Variants in ADARB1 observed in about 807,000 individuals in gnomAD.
ADARB1 encodes the protein double-stranded RNA-specific editase 1.
A neutral mutation model predicts 52.4 loss-of-function variants in ADARB1; 10 were observed. That is an observed-to-expected ratio of 0.19 (90% confidence interval 0.12 to 0.32). The LOEUF (loss-of-function observed/expected upper bound fraction) is 0.32. Among genes scored for constraint, ADARB1 ranks in the 10% least tolerant of loss-of-function variants. The pLI, the probability that ADARB1 is intolerant of heterozygous loss-of-function variation, is 1.00. For synonymous variants in ADARB1, 349 were observed against 371.1 expected (o/e 0.94, Z 0.68); for missense variants, 643 against 922.3 (o/e 0.70, Z 3.92).
At chr21:45,095,536 G>A (rs1046621981) in intron 1 of ADARB1, among the ~76,000 whole-genome samples, 2 of 152,094 alleles carry the variant, frequency 1.3e-5, no homozygotes, top group African/African-American at 2.4e-5. Context: ...TCTCCATCCC[G>A]CTGTTTCAGG....
intron 1 of ADARB1, among the ~76,000 whole-genome samples, chr21:45,089,928 A>G (rs2086496587): frequency 6.6e-6 from 1 of 152,224 alleles, no homozygotes; most frequent in South Asian, 2.1e-4. Context: ...TTAATTGGCT[A>G]GGACTTCTGG....
Position 45,175,890 on chromosome 21 carries a change from C to T in ADARB1, c.189C>T (p.Ser63=). The T allele has an allele frequency of 2.5e-6, 4 of 1,611,446 alleles. No homozygotes were observed. Among genetic ancestry groups the T allele is most frequent in the Non-Finnish European group, 3.4e-6 (4 of 1,178,844 alleles). The change falls in exon 4 of 11, where the codon TCC becomes TCT. Residue 63 remains serine, a synonymous_variant. Transcript: ENST00000348831. Reference sequence around the variant, plus strand: ...TGGAGGAGGGCAGCAATGGCCACTCCAAGTACCGCCTGAAGAAAAGGAGGA... The same window carrying T: ...TGGAGGAGGGCAGCAATGGCCACTCTAAGTACCGCCTGAAGAAAAGGAGGA... ...RPLEEGSNGH[S]KYRLKKRRKT...
chr21:45,189,559 G>A (rs1330726836), intron 8 of ADARB1, among the ~76,000 whole-genome samples: 1 of 152,058 alleles, frequency 6.6e-6, no homozygotes, highest in Non-Finnish European at 1.5e-5. Context: ...ACAGCTTAAT[G>A]TTGCTATTTA....
chr21:45,159,096 G>T (rs965775942), intron 2 of ADARB1, among the ~76,000 whole-genome samples: 1 of 152,186 alleles, frequency 6.6e-6, no homozygotes, highest in African/African-American at 2.4e-5. Context: ...ATCTGCATTA[G>T]TCTGTTTTCA....
chr21:45,198,491 A>G (rs1268350857), intron 8 of ADARB1, among the ~76,000 whole-genome samples: 1 of 6,232 alleles, frequency 1.6e-4, no homozygotes, highest in Non-Finnish European at 5.8e-4. Context: ...TGCCTATTAA[A>G]TTAAATCACA....
chr21:45,219,308 G>A (rs1406415900), intron 9 of ADARB1, among the ~76,000 whole-genome samples: 1 of 152,142 alleles, frequency 6.6e-6, no homozygotes, highest in African/African-American at 2.4e-5. Context: ...GGAAGATCAT[G>A]AAGTCAGGAG....
intron 9 of ADARB1, among the ~76,000 whole-genome samples, chr21:45,215,337 C>A (rs1261699857): frequency 2.6e-5 from 4 of 152,188 alleles, no homozygotes; most frequent in Non-Finnish European, 5.9e-5. Flanking sequence ...AATGATCCAC[C>A]ATATCTGGCT....
At chr21:45,202,775 T>A (rs2092583250) in intron 8 of ADARB1, among the ~76,000 whole-genome samples, 1 of 151,332 alleles carries the variant, frequency 6.6e-6, no homozygotes, top group Non-Finnish European at 1.5e-5. Context: ...GTGCTGAGCG[T>A]CTAACCCTGC....
intron 1 of ADARB1, among the ~76,000 whole-genome samples, chr21:45,097,360 A>G (rs1601320218): frequency 6.6e-6 from 1 of 152,312 alleles, no homozygotes. Flanking sequence ...TCCCAATTTG[A>G]AAACTAGTCA....
At chr21:45,095,124 A>G (rs1395515540) in intron 1 of ADARB1, among the ~76,000 whole-genome samples, 2 of 152,204 alleles carry the variant, frequency 1.3e-5, no homozygotes, top group African/African-American at 2.4e-5. Context: ...CAGTGTCTCA[A>G]CAGGACTGTA....
In ADARB1 at chr21:45,176,167, G is replaced by GGGA. The variant is rs2091686342; in HGVS notation, c.470_472dup (p.Arg157dup). 6.2e-7 allele frequency: 1 copy of GGGA among 1,614,102 alleles called. No homozygotes were observed. Among genetic ancestry groups the GGGA allele is most frequent in the Admixed American group, 1.7e-5 (1 of 60,012 alleles). On this transcript the variant is annotated inframe_insertion, in exon 4 of 11. Transcript: ENST00000348831. This position sits in a 1 kb window ranked among gnomAD's most constrained non-coding sequence, Gnocchi z 5.8. Reference sequence around the variant, plus strand: ...TGCCTCTGAGGCCCACCTGGCCATGGGGAGGACCCTGTCTGTCAACACGGA... The same window carrying GGGA: ...TGCCTCTGAGGCCCACCTGGCCATGGGGAGGAGGACCCTGTCTGTCAACACGGA...
intron 8 of ADARB1, among the ~76,000 whole-genome samples, chr21:45,195,159 T>C (rs76307670): frequency 0.015 from 2,234 of 152,348 alleles, 54 homozygotes; most frequent in African/African-American, 0.051. Flanking sequence ...TGACATATGA[T>C]GTGGAGCATC....
Position 45,176,448 on chromosome 21 carries a change from T to C in ADARB1, c.747T>C (p.Tyr249=). The change falls in exon 4 of 11, where the codon TAT becomes TAC. Residue 249 remains tyrosine (Y), a synonymous_variant. Coordinates refer to ENST00000348831, the MANE Select transcript of ADARB1 (RefSeq NM_001112.4). This position sits in a 1 kb window ranked among gnomAD's most constrained non-coding sequence, Gnocchi z 5.8. Reference sequence around the variant, plus strand: ...ACGAACTGCGCCCAGGACTCAAGTATGACTTCCTCTCCGAGAGCGGGGAGA... The same window carrying C: ...ACGAACTGCGCCCAGGACTCAAGTACGACTTCCTCTCCGAGAGCGGGGAGA... ...ILNELRPGLK[Y]DFLSESGESH... 6.2e-7 allele frequency: 1 copy of C among 1,614,180 alleles called. No homozygotes were observed. The highest frequency in any genetic ancestry group is 1.1e-5 in the South Asian group (1 of 91,084).
At position 45,220,755 on chromosome 21, in the gene ADARB1, G is replaced by C; in HGVS notation, c.1748-81G>C. Reference sequence around the variant, plus strand: ...CACGCACTTCTGTGGCCATGTCTGAGCACAGTGTGCCGCCCGTGGCTGCTC... The same window carrying C: ...CACGCACTTCTGTGGCCATGTCTGACCACAGTGTGCCGCCCGTGGCTGCTC... On this transcript the variant is annotated intron_variant, in intron 9 of 10. Transcript: ENST00000348831. The surrounding 1 kb of genome is among the most constrained non-coding windows in gnomAD (Gnocchi z 6.3). The C allele has an allele frequency of 2.7e-6, 4 of 1,489,672 alleles. No homozygotes were observed. The highest frequency in any genetic ancestry group is 3.7e-6 in the Non-Finnish European group (4 of 1,083,470). The allele number at this position is 1,489,672 out of a possible 1,614,324, so 92.3% of individuals were successfully genotyped here.
intron 1 of ADARB1, among the ~76,000 whole-genome samples, chr21:45,112,870 T>G (rs1240072750): frequency 6.6e-6 from 1 of 151,984 alleles, no homozygotes; most frequent in East Asian, 1.9e-4. Flanking sequence ...ATGGAGAGTG[T>G]CATAGGGAGG....
In ADARB1 at chr21:45,176,369, C is replaced by T. The variant is rs753869362; in HGVS notation, c.668C>T (p.Pro223Leu). The part of the protein sequence containing the change: ...VPASLAQPPL[P>L]VLPPFPPPSG... Reference sequence around the variant, plus strand: ...GCCAGCCTAGCCCAGCCTCCTCTCCCTGTCTTACCACCATTCCCACCCCCG... The same window carrying T: ...GCCAGCCTAGCCCAGCCTCCTCTCCTTGTCTTACCACCATTCCCACCCCCG... The change falls in exon 4 of 11, where the codon CCT becomes CTT. Residue 223 changes from proline to leucine, a missense_variant. Around this residue, in one of 2 missense-constraint regions of ADARB1, gnomAD observed 380 missense variants for 446.5 expected, o/e 0.85. Coordinates refer to ENST00000348831, the MANE Select transcript of ADARB1 (RefSeq NM_001112.4). The surrounding 1 kb of genome is among the most constrained non-coding windows in gnomAD (Gnocchi z 5.8). 1.2e-6 allele frequency: 2 copies of T among 1,614,228 alleles called. No individual in the cohort carries two copies. The highest frequency in any genetic ancestry group is 1.7e-6 in the Non-Finnish European group (2 of 1,180,030).
intron 9 of ADARB1, among the ~76,000 whole-genome samples, chr21:45,218,586 G>A (rs1282899650): frequency 1.3e-5 from 2 of 152,162 alleles, no homozygotes; most frequent in Non-Finnish European, 2.9e-5. Flanking sequence ...CCGGTACTCT[G>A]TCTTATGAAA....
At chr21:45,171,572 A>T in intron 2 of ADARB1, 38 bp from the exon 3 acceptor site, 1 of 1,304,094 alleles carries the variant, frequency 7.7e-7, no homozygotes, top group Admixed American at 1.8e-5. Flanking sequence ...TACTCCTGTC[A>T]TAGGCACACT....
At chr21:45,215,509 T>C (rs981621522) in intron 9 of ADARB1, among the ~76,000 whole-genome samples, 6 of 152,156 alleles carry the variant, frequency 3.9e-5, no homozygotes, top group African/African-American at 1.4e-4. Flanking sequence ...AGGCCTATAG[T>C]CCCAGCTACT....
Sources: allele counts gnomAD v4.1 joint callset (sites outside exome capture counted in the v4.1 genomes callset), GRCh38; gene constraint gnomAD v4.1.1; regional missense constraint gnomAD v4.1.1; non-coding constraint Gnocchi (gnomAD v3.1); transcripts MANE v1.5; gene names NCBI Gene and HGNC (gene_info 2026-07-23, HGNC 2026-07-21).